The following SCEL variants were observed in gnomAD, a reference collection of about 807,000 sequenced individuals.
The protein encoded by SCEL is sciellin.
Under a neutral mutation model 117.6 loss-of-function variants are expected in SCEL, and 113 were observed. The ratio of observed to expected loss-of-function variants is 0.96; its 90% CI spans 0.83 to 1.12. SCEL has a LOEUF of 1.12. SCEL is among the 50% of genes most tolerant of loss of function. The probability of loss-of-function intolerance (pLI) is 0.00; values close to 1 mark genes in which losing one functional copy is unlikely to be tolerated. For missense variants in SCEL, 785 were observed against 810.8 expected (o/e 0.97, Z 0.39); for synonymous variants, 270 against 256.2 (o/e 1.05, Z -0.51).
intron 9 of SCEL, among the ~76,000 whole-genome samples, chr13:77,584,110 A>C (rs564769706): frequency 3.9e-5 from 6 of 152,316 alleles, no homozygotes; most frequent in Admixed American, 3.9e-4. Context: ...CCCAAGCTTA[A>C]ACATCGCATC....
At chr13:77,625,846 A>G (rs1228081528) in intron 27 of SCEL, among the ~76,000 whole-genome samples, 2 of 152,254 alleles carry the variant, frequency 1.3e-5, no homozygotes, top group South Asian at 2.1e-4. Flanking sequence ...TAGGACCACG[A>G]GAGGGGAGAT....
chr13:77,556,597 G>A lies in SCEL; in HGVS notation c.45G>A (p.Glu15=). ...TLRKMSPTGN[E]MKSTTQGTTR... ...AGTCTTTCATGTTTCTGTTGATAGA[G>A]ATGAAGAGCACCACTCAGGGAACCA... The change falls in exon 3 of 33, where the codon GAG becomes GAA. Residue 15 remains glutamate (E), a splice_region_variant and synonymous_variant. Coordinates refer to ENST00000349847, the MANE Select transcript of SCEL (RefSeq NM_144777.3). 2 of 1,612,396 alleles carry A rather than the reference G, an allele frequency of 1.2e-6. No homozygotes were observed. Among genetic ancestry groups the A allele is most frequent in the South Asian group, 2.2e-5 (2 of 91,056 alleles).
chr13:77,540,237 T>C (rs2083632061), intron 1 of SCEL, among the ~76,000 whole-genome samples: 1 of 152,222 alleles, frequency 6.6e-6, no homozygotes, highest in African/African-American at 2.4e-5. Context: ...CAAATATTCC[T>C]CTAGAACTGA....
intron 24 of SCEL, among the ~76,000 whole-genome samples, chr13:77,614,666 C>A (rs1488295168): frequency 1.3e-5 from 2 of 152,074 alleles, no homozygotes. Flanking sequence ...CTTAAGATAT[C>A]TTGGCCCAGT....
chr13:77,556,197 C>A (rs983617700), intron 2 of SCEL, among the ~76,000 whole-genome samples: 1 of 152,134 alleles, frequency 6.6e-6, no homozygotes, highest in African/African-American at 2.4e-5. Context: ...TACTTAGAAT[C>A]AAATGACCAG....
chr13:77,585,759 T>C (rs1225614014), intron 9 of SCEL, among the ~76,000 whole-genome samples: 2 of 152,030 alleles, frequency 1.3e-5, no homozygotes, highest in African/African-American at 2.4e-5. Context: ...CAACCTAATA[T>C]CACACTGAGC....
At chr13:77,594,761 G>A (rs2087121156) in intron 12 of SCEL, among the ~76,000 whole-genome samples, 1 of 152,144 alleles carries the variant, frequency 6.6e-6, no homozygotes, top group South Asian at 2.1e-4. Context: ...CATTGTTTAA[G>A]TCCAAAGCTC....
chr13:77,555,990 C>A, intron 2 of SCEL, 72 bp downstream of exon 2: 1 of 1,094,906 alleles, frequency 9.1e-7, no homozygotes, highest in South Asian at 1.3e-5. Flanking sequence ...GATCTCAATT[C>A]TTTAATACAG....
At chr13:77,563,221 C>G (rs574813449) in intron 4 of SCEL, among the ~76,000 whole-genome samples, 2 of 151,388 alleles carry the variant, frequency 1.3e-5, no homozygotes, top group African/African-American at 4.8e-5. Flanking sequence ...TCTTTTCCTT[C>G]TATCCTTCCT....
At chr13:77,551,732 T>C (rs2154395195) in intron 1 of SCEL, among the ~76,000 whole-genome samples, 1 of 152,210 alleles carries the variant, frequency 6.6e-6, no homozygotes, top group Middle Eastern at 3.4e-3. Context: ...TTAGGGTACA[T>C]GTGCACAATG....
intron 1 of SCEL, among the ~76,000 whole-genome samples, chr13:77,553,797 G>A (rs867658146): frequency 4.6e-5 from 7 of 151,846 alleles, no homozygotes; most frequent in Non-Finnish European, 8.8e-5. Flanking sequence ...CTTTACATAT[G>A]TTATCTAGTA....
intron 3 of SCEL, among the ~76,000 whole-genome samples, chr13:77,558,796 C>T (rs1477601493): frequency 1.2e-4 from 15 of 122,612 alleles, no homozygotes; most frequent in East Asian, 7.3e-4. Flanking sequence ...CCAGCCTGGG[C>T]GACAGAGCAA....
intron 19 of SCEL, among the ~76,000 whole-genome samples, chr13:77,604,747 G>A (rs549949697): frequency 2.0e-5 from 3 of 152,280 alleles, no homozygotes; most frequent in Admixed American, 2.0e-4. Context: ...TAAGTAGTGT[G>A]TTTATATATA....
intron 9 of SCEL, among the ~76,000 whole-genome samples, chr13:77,585,242 A>G (rs1481205935): frequency 6.6e-6 from 1 of 152,186 alleles, no homozygotes; most frequent in African/African-American, 2.4e-5. Context: ...GAATAGTGTG[A>G]TATGTGCTGT....
intron 28 of SCEL, among the ~76,000 whole-genome samples, chr13:77,633,293 G>A (rs1162608996): frequency 2.0e-5 from 3 of 149,614 alleles, no homozygotes; most frequent in Admixed American, 6.7e-5. Context: ...AAAATTAGCC[G>A]GGCGCGGTGG....
Position 77,612,942 on chromosome 13 carries a change from G to T in SCEL, c.1388+1G>T. 6.5e-7 allele frequency: 1 copy of T among 1,546,018 alleles called. No individual in the cohort carries two copies. Among genetic ancestry groups the T allele is most frequent in the South Asian group, 1.2e-5 (1 of 81,106 alleles). On this transcript the variant is annotated splice_donor_variant, in intron 23 of 32. Coordinates refer to ENST00000349847, the MANE Select transcript of SCEL (RefSeq NM_144777.3). LOFTEE classifies it high-confidence loss of function. ...AAGTGATCCCTTCAGCAAACAAAAG[G>T]TAAACTTATTAAGATAATTGAAGAC...
intron 1 of SCEL, among the ~76,000 whole-genome samples, chr13:77,540,033 G>A (rs1034453978): frequency 6.6e-6 from 1 of 152,088 alleles, no homozygotes; most frequent in Non-Finnish European, 1.5e-5. Flanking sequence ...AAAACGGATA[G>A]CCACAAAGCA....
intron 1 of SCEL, among the ~76,000 whole-genome samples, chr13:77,542,434 C>T (rs964752370): frequency 3.9e-5 from 6 of 152,106 alleles, no homozygotes; most frequent in Non-Finnish European, 7.4e-5. Flanking sequence ...CCAGAATCAA[C>T]AGTGAGAAAA....
At chr13:77,638,163 AT>A (rs1238472786) in intron 30 of SCEL, among the ~76,000 whole-genome samples, 1 of 152,004 alleles carries the variant, frequency 6.6e-6, no homozygotes, top group Non-Finnish European at 1.5e-5. Context: ...TACTCAGTAA[AT>A]TTTTTTTAAA....
Sources: allele counts gnomAD v4.1 joint callset (sites outside exome capture counted in the v4.1 genomes callset), GRCh38; gene constraint gnomAD v4.1.1; transcripts MANE v1.5; gene names NCBI Gene and HGNC (gene_info 2026-07-23, HGNC 2026-07-21).